The following KCNIP4 variants were observed in gnomAD, a reference collection of about 807,000 sequenced individuals.
KCNIP4 encodes the protein potassium voltage-gated channel interacting protein 4, also known as Kv channel-interacting protein 4.
A neutral mutation model predicts 34.0 loss-of-function variants in KCNIP4; 12 were observed. The ratio of observed to expected loss-of-function variants is 0.35; its 90% confidence interval spans 0.23 to 0.57. KCNIP4 has a LOEUF of 0.57. Among genes scored for constraint, KCNIP4 ranks in the 20% least tolerant of loss-of-function variants. The pLI is 0.83. For missense variants in KCNIP4, 238 were observed against 311.7 expected (o/e 0.76, Z 1.78); for synonymous variants, 124 against 102.2 (o/e 1.21, Z -1.29).
intron 1 of KCNIP4, among the ~76,000 whole-genome samples, chr4:21,514,692 G>T (rs1734612052): frequency 6.6e-6 from 1 of 152,054 alleles, no homozygotes; most frequent in Non-Finnish European, 1.5e-5. Flanking sequence ...AGGAGGGATA[G>T]AAATAGGAAG....
At chr4:21,050,548 C>T (rs940034494) in intron 1 of KCNIP4, among the ~76,000 whole-genome samples, 21 of 152,188 alleles carry the variant, frequency 1.4e-4, no homozygotes, top group African/African-American at 4.8e-4. Context: ...TTTAGGAATG[C>T]TCTCAAAATA....
At chr4:21,207,848 T>TC (rs993052583) in intron 1 of KCNIP4, among the ~76,000 whole-genome samples, 6 of 149,614 alleles carry the variant, frequency 4.0e-5, no homozygotes, top group Non-Finnish European at 5.9e-5. Flanking sequence ...TTTTTCTTTT[T>TC]TTTTTTTTTT....
chr4:21,928,602 C>T (rs1488570320), intron 1 of KCNIP4, among the ~76,000 whole-genome samples: 2 of 152,050 alleles, frequency 1.3e-5, no homozygotes, highest in African/African-American at 2.4e-5. Flanking sequence ...TTTTCTAGTT[C>T]TAATCATTCA....
chr4:20,989,925 C>T (rs570686720), intron 1 of KCNIP4, among the ~76,000 whole-genome samples: 1 of 152,252 alleles, frequency 6.6e-6, no homozygotes, highest in Non-Finnish European at 1.5e-5. Context: ...CCACTGCACT[C>T]CAGCCTGGGC....
chr4:21,404,065 T>C lies in KCNIP4; in HGVS notation c.62-521356A>G, dbSNP rs541741038. 2.0e-5 allele frequency among the ~76,000 whole-genome samples: 3 copies of C among 152,322 alleles called. No individual in the cohort carries two copies. The South Asian group carries it at 6.2e-4, about 32-fold the overall frequency. ...GGTAGCCATGCTGGATTTCTTGCTG[T>C]TCCTTGAATGCTCCAAGCACACTCC... On this transcript the variant is annotated intron_variant, in intron 1 of 8. Coordinates refer to ENST00000382152, the MANE Select transcript of KCNIP4 (RefSeq NM_025221.6).
intron 1 of KCNIP4, among the ~76,000 whole-genome samples, chr4:21,569,672 A>G (rs1740211507): frequency 6.6e-6 from 1 of 152,130 alleles, no homozygotes; most frequent in African/African-American, 2.4e-5. Context: ...TTTTAGACAA[A>G]GTCTATTTAA....
intron 2 of KCNIP4, among the ~76,000 whole-genome samples, chr4:20,866,928 A>G (rs1722934653): frequency 2.0e-5 from 3 of 152,088 alleles, no homozygotes; most frequent in Admixed American, 1.3e-4. Context: ...AGAAAATAAA[A>G]TACTTAGGGA....
chr4:20,818,670 G>A (rs972997743), intron 3 of KCNIP4, among the ~76,000 whole-genome samples: 1 of 152,068 alleles, frequency 6.6e-6, no homozygotes, highest in African/African-American at 2.4e-5. Flanking sequence ...ATCTCCACTA[G>A]CTTTTCTGCA....
chr4:21,868,789 G>T (rs565531635), intron 1 of KCNIP4, among the ~76,000 whole-genome samples: 9 of 152,284 alleles, frequency 5.9e-5, no homozygotes, highest in Non-Finnish European at 2.9e-5. Flanking sequence ...AGGTGGTATA[G>T]ACCATGGGGT....
chr4:21,589,259 TATACAG>T (rs1372082740), intron 1 of KCNIP4, among the ~76,000 whole-genome samples: 4,688 of 132,232 alleles, frequency 0.035, 308 homozygotes, highest in African/African-American at 0.11. Flanking sequence ...TATATGTATC[TATACAG>T]ATACATATAT....
At chr4:21,728,266 T>A (rs1715339746) in intron 1 of KCNIP4, among the ~76,000 whole-genome samples, 1 of 152,106 alleles carries the variant, frequency 6.6e-6, no homozygotes, top group Non-Finnish European at 1.5e-5. Context: ...TTCCATAAAG[T>A]CTTTCTTATC....
chr4:21,923,210 C>A (rs1234540766), intron 1 of KCNIP4, among the ~76,000 whole-genome samples: 1 of 152,190 alleles, frequency 6.6e-6, no homozygotes, highest in Non-Finnish European at 1.5e-5. Flanking sequence ...CTTCTACCAA[C>A]AGACTGGCCT....
At chr4:21,780,869 T>C (rs1448298163) in intron 1 of KCNIP4, among the ~76,000 whole-genome samples, 1 of 152,148 alleles carries the variant, frequency 6.6e-6, no homozygotes, top group Non-Finnish European at 1.5e-5. Flanking sequence ...AATCCTTCCT[T>C]TCCTCTTCCA....
chr4:20,797,588 A>T (rs1434416239), intron 3 of KCNIP4, among the ~76,000 whole-genome samples: 2 of 152,230 alleles, frequency 1.3e-5, no homozygotes, highest in Non-Finnish European at 2.9e-5. Context: ...ACTTAATCAC[A>T]TGAGACCTTT....
At position 21,065,750 on chromosome 4, in the gene KCNIP4, ATATATATATATATAT is replaced by A. The variant is rs1744314787; in HGVS notation, c.62-183056_62-183042del. ...TCTATATATATATATATATATATAT[ATATATATATATATAT>A]AACTCAATTTTATTTTAAAAAATAG... is the stretch of plus-strand genomic sequence containing the variant. On this transcript the variant is annotated intron_variant, in intron 1 of 8. Coordinates refer to ENST00000382152, the MANE Select transcript of KCNIP4 (RefSeq NM_025221.6). Among the ~76,000 whole-genome samples, 5 of 143,282 alleles carry A rather than the reference ATATATATATATATAT, an allele frequency of 3.5e-5. No homozygotes were observed. In the South Asian group the frequency reaches 1.1e-3, roughly 31 times the overall value. The allele number at this position is 143,282 out of a possible 152,430, so 94.0% of individuals were successfully genotyped here. A position where few individuals can be genotyped will look rare whatever the true frequency, so the allele number is the denominator to read the frequency against.
chr4:21,631,520 G>A (rs892111083), intron 1 of KCNIP4, among the ~76,000 whole-genome samples: 1 of 152,134 alleles, frequency 6.6e-6, no homozygotes, highest in Non-Finnish European at 1.5e-5. Flanking sequence ...CAGTTGGAAA[G>A]GTGGATGGAG....
At position 21,408,957 on chromosome 4, in the gene KCNIP4, C is replaced by T. The variant is rs546380583; in HGVS notation, c.62-526248G>A. ...TCTTGGGTTTCACTGTCAAAAATGG[C>T]AACCACAGGCCCCATATTGCTATTG... On this transcript the variant is annotated intron_variant, in intron 1 of 8. Coordinates refer to ENST00000382152, the MANE Select transcript of KCNIP4 (RefSeq NM_025221.6). 3.3e-5 allele frequency among the ~76,000 whole-genome samples: 5 copies of T among 152,244 alleles called. No individual in the cohort carries two copies. In the East Asian group the frequency reaches 9.7e-4, roughly 29 times the overall value.
intron 1 of KCNIP4, among the ~76,000 whole-genome samples, chr4:21,325,691 G>C (rs971058801): frequency 5.6e-4 from 85 of 151,790 alleles, no homozygotes; most frequent in African/African-American, 2.0e-3. Flanking sequence ...TTGCTGGATT[G>C]TTTATTTGAA....
At chr4:21,279,896 A>G (rs1762673753) in intron 1 of KCNIP4, among the ~76,000 whole-genome samples, 1 of 152,200 alleles carries the variant, frequency 6.6e-6, no homozygotes, top group East Asian at 1.9e-4. Flanking sequence ...AACATCTCAC[A>G]AAGCAGCACT....
Sources: gnomAD v4.1 joint callset for allele counts (sites outside exome capture counted in the v4.1 genomes callset) on GRCh38, gnomAD v4.1.1 for gene constraint, MANE v1.5 for transcripts, NCBI Gene and HGNC (gene_info 2026-07-23, HGNC 2026-07-21) for gene names.